The following COBLL1 variants were observed in gnomAD, a reference collection of about 807,000 sequenced individuals.
COBLL1 encodes the protein cordon-bleu WH2 repeat protein like 1.
Under a neutral mutation model 94.8 loss-of-function variants are expected in COBLL1, and 50 were observed. That is an observed-to-expected ratio of 0.53 (90% CI 0.42 to 0.67). The LOEUF (loss-of-function observed/expected upper bound fraction) is 0.67, where lower values mean the gene tolerates loss of function less well. Ranked by LOEUF, COBLL1 falls within the 30% of genes least tolerant of loss-of-function variation. COBLL1 has a pLI of 0.00. For synonymous variants in COBLL1, 448 were observed against 473.8 expected (o/e 0.95, Z 0.71); for missense variants, 1,362 against 1,348.7 (o/e 1.01, Z -0.15).
At chr2:164,763,833 A>G (rs978828917) in intron 2 of COBLL1, among the ~76,000 whole-genome samples, 9 of 152,234 alleles carry the variant, frequency 5.9e-5, no homozygotes, top group African/African-American at 2.2e-4. Context: ...GATGAAAGTT[A>G]GATCTCTACA....
At chr2:164,730,138 T>C in intron 3 of COBLL1, 23 bp from the exon 4 acceptor site, 1 of 1,574,358 alleles carries the variant, frequency 6.4e-7, no homozygotes, top group Non-Finnish European at 8.7e-7. Flanking sequence ...AGTATTTCAT[T>C]ACCCGTTATT....
At chr2:164,666,643 A>T (rs1691163382) in intron 1 of COBLL1, among the ~76,000 whole-genome samples, 1 of 152,216 alleles carries the variant, frequency 6.6e-6, no homozygotes, top group Admixed American at 6.5e-5. Context: ...GTCTTCTCAA[A>T]ACCTGCCGAT....
intron 2 of COBLL1, among the ~76,000 whole-genome samples, chr2:164,805,323 CTCTCTCTCTCTCTCTATATATATATATA>C (rs1684052319): frequency 5.9e-5 from 2 of 33,680 alleles, no homozygotes; most frequent in African/African-American, 2.3e-4. Context: ...CTCTCTCTCT[CTCTCTCTCTCTCTCTATATATATATATA>C]TATATATATA....
intron 2 of COBLL1, among the ~76,000 whole-genome samples, chr2:164,757,530 C>T (rs997785628): frequency 1.3e-5 from 2 of 152,016 alleles, no homozygotes; most frequent in African/African-American, 4.8e-5. Flanking sequence ...AGAAAATGCA[C>T]AAATAGAAGT....
At chr2:164,781,334 G>C (rs989896360) in intron 2 of COBLL1, among the ~76,000 whole-genome samples, 1 of 152,166 alleles carries the variant, frequency 6.6e-6, no homozygotes. Context: ...TGTGGAGAGA[G>C]GCTGGAACAG....
intron 2 of COBLL1, among the ~76,000 whole-genome samples, chr2:164,775,449 GTTTGT>G (rs747209477): frequency 3.4e-4 from 52 of 151,928 alleles, no homozygotes; most frequent in African/African-American, 8.0e-4. Flanking sequence ...CCTGCTGGTA[GTTTGT>G]TTTGTTTTGT....
intron 2 of COBLL1, among the ~76,000 whole-genome samples, chr2:164,778,571 C>G (rs1490484389): frequency 6.6e-6 from 1 of 152,194 alleles, no homozygotes; most frequent in Non-Finnish European, 1.5e-5. Flanking sequence ...CCACTGCACT[C>G]TAGCCTGGGC....
intron 7 of COBLL1, among the ~76,000 whole-genome samples, chr2:164,712,130 G>A (rs1355413003): frequency 6.6e-6 from 1 of 152,124 alleles, no homozygotes; most frequent in East Asian, 1.9e-4. Context: ...GAATCAAACG[G>A]CATTCAAGAG....
intron 3 of COBLL1, among the ~76,000 whole-genome samples, chr2:164,737,847 G>A (rs1353043158): frequency 6.6e-6 from 1 of 152,100 alleles, no homozygotes; most frequent in Admixed American, 6.6e-5. Flanking sequence ...CCAACCCTAT[G>A]CCAGGCAAAA....
chr2:164,810,213 A>T (rs1465255239), intron 2 of COBLL1, among the ~76,000 whole-genome samples: 1 of 151,536 alleles, frequency 6.6e-6, no homozygotes, highest in Non-Finnish European at 1.5e-5. Context: ...CCTTTCTGGT[A>T]TTTGGGATAT....
At chr2:164,777,415 A>T (rs355883) in intron 2 of COBLL1, among the ~76,000 whole-genome samples, 35,310 of 151,782 alleles carry the variant, frequency 0.23, 4,749 homozygotes, top group African/African-American at 0.37. Flanking sequence ...GATTCTTTTT[A>T]AAATTTTCTT....
chr2:164,721,478 G>C (rs1242033337), intron 7 of COBLL1, among the ~76,000 whole-genome samples: 1 of 152,162 alleles, frequency 6.6e-6, no homozygotes, highest in Non-Finnish European at 1.5e-5. Context: ...GTAATAGTAA[G>C]AAACTTTGAG....
At chr2:164,712,631 T>A (rs1389896374) in intron 7 of COBLL1, among the ~76,000 whole-genome samples, 1 of 152,064 alleles carries the variant, frequency 6.6e-6, no homozygotes, top group Non-Finnish European at 1.5e-5. Context: ...TAAAAAATTT[T>A]TACAACTTAG....
Position 164,694,501 on chromosome 2 carries a change from G to C in COBLL1, c.2891C>G (p.Ser964Cys). 6.2e-7 allele frequency: 1 copy of C among 1,613,962 alleles called. No individual in the cohort carries two copies. The highest frequency in any genetic ancestry group is 8.5e-7 in the Non-Finnish European group (1 of 1,179,938). The change falls in exon 12 of 14, where the codon TCC (serine) becomes TGC (cysteine). Residue 964 changes from serine to cysteine, a missense_variant. By Grantham distance (112) the Ser-to-Cys change is moderately radical (BLOSUM62 -1). Transcript: ENST00000652658. ...KPVTIPASQV[S>C]TQNLKTLKTF... ...TTTCAAAGTCTTCAGATTTTGTGTG[G>C]ATACCTGACTAGCAGGAATTGTCAC...
intron 2 of COBLL1, among the ~76,000 whole-genome samples, chr2:164,771,136 T>G (rs1292803742): frequency 2.6e-5 from 4 of 152,170 alleles, no homozygotes; most frequent in Non-Finnish European, 5.9e-5. Flanking sequence ...AAAGCAAAAC[T>G]AATTCTATGT....
At chr2:164,675,549 CT>C (rs1195764730), downstream of COBLL1, among the ~76,000 whole-genome samples, 1 of 152,114 alleles carries the variant, frequency 6.6e-6, no homozygotes, top group African/African-American at 2.4e-5. Context: ...ACTCATTTCT[CT>C]GAGATTTTTC....
At chr2:164,764,444 T>A (rs1201831772) in intron 2 of COBLL1, among the ~76,000 whole-genome samples, 1 of 152,170 alleles carries the variant, frequency 6.6e-6, no homozygotes, top group East Asian at 1.9e-4. Flanking sequence ...TTAGATTTGA[T>A]TGAATATATT....
rs566404957 is a variant in COBLL1, at chr2:164,780,233, T to A, written c.42-36358A>T. On this transcript the variant is annotated intron_variant, in intron 2 of 13. Coordinates refer to ENST00000652658, the MANE Select transcript of COBLL1 (RefSeq NM_001365672.2). ...TAATAACCGCCACTAAGGGGACTGT[T>A]GTAACCAAAGTTCTCAGCACAGTGC... 2.0e-5 allele frequency among the ~76,000 whole-genome samples: 3 copies of A among 152,244 alleles called. No homozygotes were observed. In the East Asian group the frequency reaches 5.8e-4, roughly 29 times the overall value.
At chr2:164,841,944 C>T (rs1683647648), upstream of COBLL1, 2 of 1,533,290 alleles carry the variant, frequency 1.3e-6, no homozygotes, top group East Asian at 4.9e-5. The surrounding 1 kb of genome is among the most constrained non-coding windows in gnomAD (Gnocchi z 5.5). Flanking sequence ...CTGGAGCCCG[C>T]TCTCTCACTC....
Sources: gnomAD v4.1 joint callset for allele counts (sites outside exome capture counted in the v4.1 genomes callset) on GRCh38, gnomAD v4.1.1 for gene constraint, Gnocchi (gnomAD v3.1) non-coding constraint, MANE v1.5 for transcripts, NCBI Gene and HGNC (gene_info 2026-07-23, HGNC 2026-07-21) for gene names.